MYO3B: variants seen among roughly 807,000 people sequenced by gnomAD.
MYO3B encodes myosin-IIIb.
In MYO3B, 156 loss-of-function variants were observed where a neutral mutation model predicts 174.6. That is an observed-to-expected ratio of 0.89 (90% CI 0.78 to 1.02). The LOEUF (loss-of-function observed/expected upper bound fraction) is 1.02, where lower values mean the gene tolerates loss of function less well. MYO3B is among the 50% of genes least tolerant of loss of function. The pLI, the probability that MYO3B is intolerant of heterozygous loss-of-function variation, is 0.00. For synonymous variants in MYO3B, 563 were observed against 569.1 expected (o/e 0.99, Z 0.15); for missense variants, 1,632 against 1,639.4 (o/e 1.00, Z 0.08).
At chr2:170,527,499 A>C (rs527751449) in intron 30 of MYO3B, among the ~76,000 whole-genome samples, 9 of 152,246 alleles carry the variant, frequency 5.9e-5, no homozygotes, top group Non-Finnish European at 1.2e-4. Flanking sequence ...AGTATCTGGC[A>C]GCAAACTGCT....
intron 25 of MYO3B, among the ~76,000 whole-genome samples, chr2:170,472,209 T>C (rs1246384782): frequency 1.3e-5 from 2 of 152,182 alleles, no homozygotes; most frequent in Non-Finnish European, 2.9e-5. Flanking sequence ...GAGCATATTG[T>C]TTCCTTGATT....
chr2:170,439,521 C>A (rs759523785), intron 22 of MYO3B, among the ~76,000 whole-genome samples: 4 of 151,938 alleles, frequency 2.6e-5, no homozygotes, highest in African/African-American at 7.3e-5. Flanking sequence ...CTCTACAATT[C>A]GTTGATTGTT....
At chr2:170,571,716 T>C (rs140875157) in intron 32 of MYO3B, among the ~76,000 whole-genome samples, 1 of 152,216 alleles carries the variant, frequency 6.6e-6, no homozygotes, top group Non-Finnish European at 1.5e-5. Context: ...GGATGATTCA[T>C]GTAGGGAGGA....
In MYO3B at chr2:170,588,828, G is replaced by A. The variant is rs114590280; in HGVS notation, c.3733+44840G>A. 4.7e-3 allele frequency among the ~76,000 whole-genome samples: 721 copies of A among 152,308 alleles called. 4 individuals carry two copies. Among genetic ancestry groups the A allele is most frequent in the African/African-American group, 0.016 (683 of 41,564 alleles). On this transcript the variant is annotated intron_variant, in intron 32 of 34. Coordinates refer to ENST00000408978, the MANE Select transcript of MYO3B (RefSeq NM_138995.5). ...ATTATAACATCTATGACTGCATCAG[G>A]AACCTTGCTTGGGCATGGGGTAATG...
At chr2:170,445,907 G>A (rs1226927006) in intron 23 of MYO3B, among the ~76,000 whole-genome samples, 2 of 152,164 alleles carry the variant, frequency 1.3e-5, no homozygotes, top group Admixed American at 6.5e-5. Context: ...CAAAGTGCTG[G>A]GTTTGCAGGT....
At position 170,392,583 on chromosome 2, in the gene MYO3B, C is replaced by A. The variant is rs2013102; in HGVS notation, c.1791+88C>A. 9 of 837,454 alleles carry A rather than the reference C, an allele frequency of 1.1e-5. No individual in the cohort carries two copies. In the African/African-American group the frequency reaches 1.2e-4, roughly 11 times the overall value. The allele number at this position is 837,454 out of a possible 1,614,324, so 51.9% of individuals were successfully genotyped here. A position where few individuals can be genotyped will look rare whatever the true frequency, so the allele number is the denominator to read the frequency against. ...GTGGTATTTCTCACTTGGGATAAGACACTTGCTTTCAAATGCCATGTTGGT... is the reference window on the plus strand; with the variant it reads ...GTGGTATTTCTCACTTGGGATAAGAAACTTGCTTTCAAATGCCATGTTGGT... On this transcript the variant is annotated intron_variant, in intron 16 of 34. Coordinates refer to ENST00000408978, the MANE Select transcript of MYO3B (RefSeq NM_138995.5).
At chr2:170,437,237 G>A (rs2094761142) in intron 22 of MYO3B, among the ~76,000 whole-genome samples, 1 of 148,314 alleles carries the variant, frequency 6.7e-6, no homozygotes, top group Admixed American at 6.7e-5. Flanking sequence ...GGGTGGCCAG[G>A]TTTCTCCTTA....
intron 15 of MYO3B, 57 bp from the exon 16 acceptor site, chr2:170,392,324 C>T (rs1425254319): frequency 1.0e-5 from 13 of 1,239,652 alleles, no homozygotes; most frequent in Non-Finnish European, 1.2e-5. Flanking sequence ...ATGGAAATGC[C>T]TGTACTACTT....
At chr2:170,628,943 T>C (rs920212721) in intron 32 of MYO3B, among the ~76,000 whole-genome samples, 2 of 152,158 alleles carry the variant, frequency 1.3e-5, no homozygotes, top group African/African-American at 4.8e-5. Flanking sequence ...CATGTTTATG[T>C]AGGCACACTT....
intron 28 of MYO3B, among the ~76,000 whole-genome samples, chr2:170,503,723 G>C (rs1432016423): frequency 6.6e-6 from 1 of 151,674 alleles, no homozygotes; most frequent in Non-Finnish European, 1.5e-5. Flanking sequence ...TGCCTATCAA[G>C]TGATGTTGGG....
At chr2:170,650,481 A>T (rs1028095004) in intron 32 of MYO3B, among the ~76,000 whole-genome samples, 3 of 152,008 alleles carry the variant, frequency 2.0e-5, no homozygotes, top group Non-Finnish European at 4.4e-5. Flanking sequence ...TATAATAAAC[A>T]CTCTGTCCTC....
chr2:170,312,650 G>T (rs1159115709), intron 7 of MYO3B, among the ~76,000 whole-genome samples: 1 of 152,226 alleles, frequency 6.6e-6, no homozygotes, highest in Non-Finnish European at 1.5e-5. Context: ...GAATAGAAAT[G>T]TTTATTTTGC....
At chr2:170,220,038 C>A (rs1298208258) in intron 6 of MYO3B, among the ~76,000 whole-genome samples, 1 of 152,124 alleles carries the variant, frequency 6.6e-6, no homozygotes, top group Non-Finnish European at 1.5e-5. Flanking sequence ...GTGGGCAGAT[C>A]ACGAGGTCAG....
At chr2:170,308,243 A>G (rs532992031) in intron 7 of MYO3B, among the ~76,000 whole-genome samples, 9 of 152,248 alleles carry the variant, frequency 5.9e-5, no homozygotes, top group Non-Finnish European at 1.0e-4. Context: ...TTCTAGCAAC[A>G]TTGCAAAAGG....
At chr2:170,461,977 C>T (rs550937127) in intron 23 of MYO3B, among the ~76,000 whole-genome samples, 32 of 152,230 alleles carry the variant, frequency 2.1e-4, no homozygotes, top group African/African-American at 7.7e-4. Context: ...ACCTCACCAG[C>T]TCTGAGTTCT....
chr2:170,192,769 T>C (rs1337570978), intron 1 of MYO3B, among the ~76,000 whole-genome samples: 1 of 151,722 alleles, frequency 6.6e-6, no homozygotes, highest in Non-Finnish European at 1.5e-5. Flanking sequence ...TTATATACTC[T>C]GTAATTTCAG....
At chr2:170,216,287 G>C (rs2092827340) in intron 5 of MYO3B, among the ~76,000 whole-genome samples, 2 of 152,156 alleles carry the variant, frequency 1.3e-5, no homozygotes, top group South Asian at 4.1e-4. Context: ...TGAGACTTCT[G>C]TGTGGTATAA....
chr2:170,510,591 G>A (rs1188234819), intron 28 of MYO3B, among the ~76,000 whole-genome samples: 2 of 151,812 alleles, frequency 1.3e-5, no homozygotes, highest in Non-Finnish European at 2.9e-5. Flanking sequence ...TTTTGCAGAT[G>A]TAGTTAATTA....
chr2:170,444,983 G>A (rs1452339456), intron 23 of MYO3B, among the ~76,000 whole-genome samples: 1 of 152,122 alleles, frequency 6.6e-6, no homozygotes, highest in Non-Finnish European at 1.5e-5. Context: ...ATTTGTAAAA[G>A]TTGTGCTCTC....
Sources: gnomAD v4.1 joint callset for allele counts (sites outside exome capture counted in the v4.1 genomes callset) on GRCh38, gnomAD v4.1.1 for gene constraint, MANE v1.5 for transcripts, NCBI Gene and HGNC (gene_info 2026-07-23, HGNC 2026-07-21) for gene names.